GALNTL6: variants seen among roughly 807,000 people sequenced by gnomAD.
The protein encoded by GALNTL6 is polypeptide N-acetylgalactosaminyltransferase like 6, also known as polypeptide N-acetylgalactosaminyltransferase-like 6.
GALNTL6 carries 46 observed loss-of-function variants against 73.7 expected under a neutral mutation model. That is an observed-to-expected ratio of 0.62 (90% CI 0.49 to 0.80). The LOEUF is 0.80. GALNTL6 is among the 30% of genes least tolerant of loss of function. GALNTL6 has a pLI of 0.00. For missense variants in GALNTL6, 604 were observed against 755.0 expected, an observed-to-expected ratio of 0.80 and a Z score of 2.34; for synonymous variants, 259 against 263.7, an observed-to-expected ratio of 0.98 and a Z score of 0.17.
At chr4:171,956,901 T>G (rs113907393) in intron 2 of GALNTL6, among the ~76,000 whole-genome samples, 1 of 152,158 alleles carries the variant, frequency 6.6e-6, no homozygotes, top group South Asian at 2.1e-4. Flanking sequence ...GCCTTCCGAG[T>G]TGTAGAAACT....
chr4:172,445,232 A>G (rs1731977562), intron 5 of GALNTL6, among the ~76,000 whole-genome samples: 1 of 152,156 alleles, frequency 6.6e-6, no homozygotes, highest in Admixed American at 6.6e-5. Context: ...TGCATTTATG[A>G]TAACGCTATG....
At chr4:172,908,609 AGT>A (rs200044918) in intron 8 of GALNTL6, among the ~76,000 whole-genome samples, 13,893 of 145,698 alleles carry the variant, frequency 0.095, 1,661 homozygotes, top group African/African-American at 0.28. Context: ...CATGAGCGTG[AGT>A]GTGTGTGTGT....
At chr4:172,452,642 TTAAA>T (rs1464869749) in intron 5 of GALNTL6, among the ~76,000 whole-genome samples, 1 of 152,196 alleles carries the variant, frequency 6.6e-6, no homozygotes, top group Non-Finnish European at 1.5e-5. Context: ...GAATATTTCT[TTAAA>T]TAACTGAAAT....
chr4:172,694,099 G>A (rs1733498839), intron 5 of GALNTL6, among the ~76,000 whole-genome samples: 1 of 151,294 alleles, frequency 6.6e-6, no homozygotes, highest in African/African-American at 2.4e-5. Context: ...CAGAGAAGGT[G>A]TATCAGTAAG....
intron 5 of GALNTL6, among the ~76,000 whole-genome samples, chr4:172,406,988 CATT>C (rs1744262680): frequency 1.3e-5 from 2 of 151,900 alleles, no homozygotes; most frequent in South Asian, 4.1e-4. Context: ...TGATATCTAT[CATT>C]ATCTCTTTTT....
chr4:173,032,560 C>T (rs968923036), intron 12 of GALNTL6, among the ~76,000 whole-genome samples: 4 of 151,920 alleles, frequency 2.6e-5, no homozygotes, highest in African/African-American at 7.3e-5. Flanking sequence ...GGTGGCAGCA[C>T]GCATGTGGTC....
At chr4:172,944,974 C>T (rs1275940070) in intron 9 of GALNTL6, among the ~76,000 whole-genome samples, 2 of 151,282 alleles carry the variant, frequency 1.3e-5, no homozygotes, top group Non-Finnish European at 2.9e-5. Context: ...AGGAGAATCA[C>T]TTGATCCCAG....
chr4:172,722,172 AT>A (rs11316030), intron 5 of GALNTL6, among the ~76,000 whole-genome samples: 67,798 of 151,812 alleles, frequency 0.45, 17,580 homozygotes, highest in East Asian at 0.68. Flanking sequence ...CAACTCTCTT[AT>A]GTTTTTATCA....
At chr4:172,418,071 T>A (rs988887203) in intron 5 of GALNTL6, among the ~76,000 whole-genome samples, 2 of 152,170 alleles carry the variant, frequency 1.3e-5, no homozygotes, top group South Asian at 4.1e-4. Context: ...ATTGTCTTAC[T>A]CTTTACCTAA....
Position 172,825,077 on chromosome 4 carries a change from CT to C in GALNTL6, c.923+11358del, listed in dbSNP as rs1297983846. 6.4e-5 allele frequency among the ~76,000 whole-genome samples: 4 copies of C among 62,648 alleles called. No homozygotes were observed. The South Asian group carries it at 2.6e-3, about 41-fold the overall frequency. The allele number at this position is 62,648 out of a possible 152,430, so 41.1% of individuals were successfully genotyped here. A position where few individuals can be genotyped will look rare whatever the true frequency, so the allele number is the denominator to read the frequency against. ...TTTTCTTTTTTTTTTTTTTGGTTATCTTTTCTTTCTTTCTTTCTTTCTTTCT... is the reference window on the plus strand; with the variant it reads ...TTTTCTTTTTTTTTTTTTTGGTTATCTTTCTTTCTTTCTTTCTTTCTTTCT... On this transcript the variant is annotated intron_variant, in intron 7 of 12. Transcript: ENST00000506823.
chr4:172,640,829 C>CAATA (rs1739940297), intron 5 of GALNTL6, among the ~76,000 whole-genome samples: 1 of 152,058 alleles, frequency 6.6e-6, no homozygotes, highest in African/African-American at 2.4e-5. Context: ...ACAATTCAGG[C>CAATA]AATAATATAT....
At chr4:172,363,150 G>T (rs1254068833) in intron 5 of GALNTL6, among the ~76,000 whole-genome samples, 1 of 152,102 alleles carries the variant, frequency 6.6e-6, no homozygotes, top group African/African-American at 2.4e-5. Flanking sequence ...GTTTTGTCAT[G>T]ATAAAACCAA....
chr4:173,028,927 T>C (rs1230205594), intron 12 of GALNTL6, among the ~76,000 whole-genome samples: 2 of 152,234 alleles, frequency 1.3e-5, no homozygotes, highest in African/African-American at 2.4e-5. Flanking sequence ...AACCATTCCA[T>C]TCATTTAAAA....
chr4:172,419,407 A>G (rs1016532159), intron 5 of GALNTL6, among the ~76,000 whole-genome samples: 2 of 152,294 alleles, frequency 1.3e-5, no homozygotes, highest in Non-Finnish European at 1.5e-5. Context: ...TTTATTAAAT[A>G]TGATTATTTT....
At chr4:172,254,899 T>C (rs1226887126) in intron 3 of GALNTL6, among the ~76,000 whole-genome samples, 2 of 151,722 alleles carry the variant, frequency 1.3e-5, no homozygotes, top group African/African-American at 2.4e-5. Context: ...TATATTCATT[T>C]ATGTGTTTGT....
intron 3 of GALNTL6, among the ~76,000 whole-genome samples, chr4:172,237,034 A>G (rs1737267739): frequency 6.6e-6 from 1 of 152,154 alleles, no homozygotes; most frequent in African/African-American, 2.4e-5. Context: ...TGTTGCTGCA[A>G]AAAACATGAT....
At chr4:172,145,853 T>G (rs576627997) in intron 2 of GALNTL6, among the ~76,000 whole-genome samples, 1 of 152,276 alleles carries the variant, frequency 6.6e-6, no homozygotes, top group South Asian at 2.1e-4. Flanking sequence ...TAATAGAAGT[T>G]TTATGTGACA....
At chr4:172,733,185 G>T (rs182280845) in intron 5 of GALNTL6, among the ~76,000 whole-genome samples, 1 of 152,144 alleles carries the variant, frequency 6.6e-6, no homozygotes, top group Non-Finnish European at 1.5e-5. Context: ...ATTAGAATGA[G>T]AATTCTGCTG....
At chr4:172,097,846 C>G (rs1349928769) in intron 2 of GALNTL6, among the ~76,000 whole-genome samples, 1 of 152,050 alleles carries the variant, frequency 6.6e-6, no homozygotes, top group Non-Finnish European at 1.5e-5. Flanking sequence ...CGTCAGTCAG[C>G]ATGTTTGCTC....
Sources: allele counts gnomAD v4.1 joint callset (sites outside exome capture counted in the v4.1 genomes callset), GRCh38; gene constraint gnomAD v4.1.1; transcripts MANE v1.5; gene names NCBI Gene and HGNC (gene_info 2026-07-23, HGNC 2026-07-21).